SLC8A1: variants seen among roughly 807,000 people sequenced by gnomAD.
SLC8A1 encodes the protein sodium/calcium exchanger 1.
SLC8A1 carries 18 observed loss-of-function variants against 68.3 expected under a neutral mutation model. That is an observed-to-expected ratio of 0.26 (90% CI 0.18 to 0.39). SLC8A1 has a LOEUF of 0.39. Ranked by LOEUF, SLC8A1 falls within the 10% of genes least tolerant of loss-of-function variation. SLC8A1 has a pLI of 1.00. For synonymous variants in SLC8A1, 475 were observed against 415.5 expected (o/e 1.14, Z -1.74); for missense variants, 985 against 1,156.7 (o/e 0.85, Z 2.15).
chr2:40,220,126 A>C (rs2058098638), intron 2 of SLC8A1: 2 of 148,476 alleles, frequency 1.3e-5, no homozygotes, highest in African/African-American at 5.0e-5. Flanking sequence ...AAGGAGAATA[A>C]TTGTTGCTGA....
At chr2:40,370,548 C>T (rs72939984) in intron 2 of SLC8A1, among the ~76,000 whole-genome samples, 29,973 of 152,022 alleles carry the variant, frequency 0.2, 3,277 homozygotes, top group African/African-American at 0.28. Context: ...CTGGAAAAAA[C>T]TGCATTTCTT....
chr2:40,206,517 T>C lies in SLC8A1; in HGVS notation c.1809-28662A>G, dbSNP rs191715032. 1.7e-3 allele frequency among the ~76,000 whole-genome samples: 259 copies of C among 152,136 alleles called. 7 individuals carry two copies. The highest frequency in any genetic ancestry group is 0.017 in the Admixed American group (254 of 15,260). ...TCTTCCTTCTTTTTAATTTTAGGAA[T>C]TGTATACTGTAGTTTATCATAACAA... On this transcript the variant is annotated intron_variant, in intron 2 of 7. Transcript: ENST00000406785.
exon 8 of SLC8A1, chr2:40,105,928 C>G (rs901873021): frequency 6.6e-6 from 1 of 152,158 alleles, no homozygotes; most frequent in African/African-American, 2.4e-5. Flanking sequence ...GTTTCCCCTG[C>G]TTAGCTGCTT....
intron 2 of SLC8A1, among the ~76,000 whole-genome samples, chr2:40,410,732 G>A (rs1317416259): frequency 6.6e-6 from 1 of 151,946 alleles, no homozygotes; most frequent in African/African-American, 2.4e-5. Context: ...CCCACTCTGT[G>A]AGCTCACCTA....
intron 1 of SLC8A1, among the ~76,000 whole-genome samples, chr2:40,511,312 A>T (rs1706711167): frequency 6.6e-6 from 1 of 152,186 alleles, no homozygotes; most frequent in Non-Finnish European, 1.5e-5. Context: ...TTGGCAAAAC[A>T]TGCATATTTT....
intron 2 of SLC8A1, among the ~76,000 whole-genome samples, chr2:40,342,616 GT>G (rs1400873390): frequency 6.6e-6 from 1 of 152,126 alleles, no homozygotes; most frequent in Non-Finnish European, 1.5e-5. Flanking sequence ...CCAACATGCT[GT>G]TAGATAGTTT....
chr2:40,440,143 T>A (rs1288620575), intron 1 of SLC8A1, among the ~76,000 whole-genome samples: 3 of 152,110 alleles, frequency 2.0e-5, no homozygotes, highest in Admixed American at 6.6e-5. Context: ...AGCTAGGGCA[T>A]CTAGTGAATA....
intron 2 of SLC8A1, among the ~76,000 whole-genome samples, chr2:40,281,938 C>A (rs904413962): frequency 5.9e-5 from 9 of 152,238 alleles, no homozygotes; most frequent in Admixed American, 1.3e-4. Context: ...TTATCCTAAT[C>A]TAATACTCAA....
At chr2:40,116,119 G>A (rs1253628077) in intron 7 of SLC8A1, among the ~76,000 whole-genome samples, 3 of 152,140 alleles carry the variant, frequency 2.0e-5, no homozygotes, top group Admixed American at 6.5e-5. Context: ...AAAAGATGCT[G>A]TATCAGCAGC....
At chr2:40,269,025 C>G (rs1395026598) in intron 2 of SLC8A1, among the ~76,000 whole-genome samples, 2 of 152,114 alleles carry the variant, frequency 1.3e-5, no homozygotes, top group Non-Finnish European at 2.9e-5. Flanking sequence ...GTTTTACAGG[C>G]ACTCATGCTC....
chr2:40,409,639 A>G (rs1691481981), intron 2 of SLC8A1, among the ~76,000 whole-genome samples: 1 of 152,180 alleles, frequency 6.6e-6, no homozygotes, highest in Non-Finnish European at 1.5e-5. Flanking sequence ...AGGTGGTGGC[A>G]TATAATGAGG....
intron 7 of SLC8A1, among the ~76,000 whole-genome samples, chr2:40,121,793 T>C (rs2036885387): frequency 6.6e-6 from 1 of 152,244 alleles, no homozygotes; most frequent in Non-Finnish European, 1.5e-5. Context: ...AATGATTCTA[T>C]ACTTTTAAGG....
chr2:40,319,960 C>A lies in SLC8A1; in HGVS notation c.1808+108513G>T, dbSNP rs190669423. ...TGCTGATGTGAACAAGTGGATGGTT[C>A]TGCATCTTAAATGGGGATTATGGCA... On this transcript the variant is annotated intron_variant, in intron 2 of 7. Coordinates refer to ENST00000406785, the Ensembl canonical transcript of SLC8A1. 1.4e-4 allele frequency among the ~76,000 whole-genome samples: 22 copies of A among 152,194 alleles called. 1 individual carries two copies. The East Asian group carries it at 2.9e-3, about 20-fold the overall frequency.
At position 40,482,789 on chromosome 2, in the gene SLC8A1, CTT is replaced by C. The variant is rs34808025; in HGVS notation, c.-25+29558_-25+29559del. Among the ~76,000 whole-genome samples, 1,186 of 131,776 alleles carry C rather than the reference CTT, an allele frequency of 9.0e-3. 4 individuals are homozygous for C. Among genetic ancestry groups the C allele is most frequent in the Non-Finnish European group, 0.013 (802 of 62,420 alleles). 86.5% of individuals were successfully genotyped at this position (131,776 alleles called of 152,430 possible). On this transcript the variant is annotated intron_variant, in intron 1 of 7. Transcript: ENST00000402441. ...TCTATGACAGAAGCCACAGTTAGCA[CTT>C]TTTTTTTTTTTTTTTTTGAGACGGA...
At chr2:40,299,009 G>T (rs1351635109) in intron 2 of SLC8A1, among the ~76,000 whole-genome samples, 1 of 152,130 alleles carries the variant, frequency 6.6e-6, no homozygotes, top group African/African-American at 2.4e-5. Flanking sequence ...GATCTACTTG[G>T]GGAGGAGGCC....
intron 2 of SLC8A1, among the ~76,000 whole-genome samples, chr2:40,245,876 T>C (rs1279548256): frequency 1.3e-5 from 2 of 152,324 alleles, no homozygotes; most frequent in East Asian, 3.9e-4. Context: ...TACATTACTT[T>C]CATTCGAGAC....
At chr2:40,241,583 T>G (rs1193914444) in intron 2 of SLC8A1, among the ~76,000 whole-genome samples, 1 of 152,242 alleles carries the variant, frequency 6.6e-6, no homozygotes, top group Non-Finnish European at 1.5e-5. Context: ...TTTGACCTCT[T>G]CTTTGCCCTC....
At chr2:40,147,258 G>GGT (rs1425841334) in intron 6 of SLC8A1, among the ~76,000 whole-genome samples, 1 of 152,000 alleles carries the variant, frequency 6.6e-6, no homozygotes, top group Non-Finnish European at 1.5e-5. Flanking sequence ...ATATGAATTG[G>GGT]GTGTTCCTAA....
chr2:40,305,467 G>A (rs1468787663), intron 2 of SLC8A1, among the ~76,000 whole-genome samples: 1 of 152,174 alleles, frequency 6.6e-6, no homozygotes, highest in Admixed American at 6.5e-5. Flanking sequence ...CCGGTATAGG[G>A]AGGGAGACAA....
Sources: gnomAD v4.1 joint callset for allele counts (sites outside exome capture counted in the v4.1 genomes callset) on GRCh38, gnomAD v4.1.1 for gene constraint, MANE v1.5 for transcripts, NCBI Gene and HGNC (gene_info 2026-07-23, HGNC 2026-07-21) for gene names.